TTC28: variants seen among roughly 807,000 people sequenced by gnomAD.
The protein encoded by TTC28 is tetratricopeptide repeat domain 28, also known as tetratricopeptide repeat protein 28.
In TTC28, 61 loss-of-function variants were observed where a neutral mutation model predicts 198.0. The ratio of observed to expected loss-of-function variants is 0.31; its 90% CI spans 0.25 to 0.38. The LOEUF is 0.38. TTC28 is among the 10% of genes least tolerant of loss of function. TTC28 has a pLI of 1.00. For missense variants in TTC28, 2,678 were observed against 3,164.0 expected, an observed-to-expected ratio of 0.85 and a Z score of 3.69; for synonymous variants, 1,171 against 1,297.8, an observed-to-expected ratio of 0.90 and a Z score of 2.10.
chr22:28,444,470 GA>G (rs1420639915), intron 2 of TTC28, among the ~76,000 whole-genome samples: 1 of 152,114 alleles, frequency 6.6e-6, no homozygotes, highest in East Asian at 1.9e-4. Flanking sequence ...CTGAGAATCT[GA>G]AATTCAATAG....
intron 5 of TTC28, among the ~76,000 whole-genome samples, chr22:28,172,847 C>G (rs746877923): frequency 2.6e-5 from 4 of 152,156 alleles, no homozygotes; most frequent in Non-Finnish European, 5.9e-5. Context: ...GAGGCCCTGG[C>G]TATGTAACAC....
chr22:28,534,967 G>A (rs1308016924), intron 2 of TTC28, among the ~76,000 whole-genome samples: 2 of 151,968 alleles, frequency 1.3e-5, no homozygotes, highest in East Asian at 3.9e-4. Flanking sequence ...ATGTAAATGA[G>A]TTAATGGGTG....
intron 5 of TTC28, among the ~76,000 whole-genome samples, chr22:28,223,917 C>G (rs976442650): frequency 6.6e-6 from 1 of 152,182 alleles, no homozygotes; most frequent in East Asian, 1.9e-4. Flanking sequence ...ACGAGACTGA[C>G]TAATATTTGT....
At chr22:28,160,492 AT>A (rs1266855680) in intron 6 of TTC28, among the ~76,000 whole-genome samples, 1 of 152,254 alleles carries the variant, frequency 6.6e-6, no homozygotes, top group Non-Finnish European at 1.5e-5. Context: ...CATTAAAATA[AT>A]GTAGGATATC....
intron 1 of TTC28, among the ~76,000 whole-genome samples, chr22:28,633,867 T>C (rs2051220952): frequency 6.6e-6 from 1 of 152,158 alleles, no homozygotes; most frequent in South Asian, 2.1e-4. Context: ...ACTGTGAATC[T>C]GAGAGGGGGA....
intron 12 of TTC28, among the ~76,000 whole-genome samples, chr22:28,048,684 G>A (rs2146697405): frequency 6.6e-6 from 1 of 152,110 alleles, no homozygotes; most frequent in East Asian, 1.9e-4. Context: ...TGTGAATACT[G>A]CTGTCATCTA....
chr22:27,998,332 T>C (rs1000565791), intron 16 of TTC28: 2 of 821,482 alleles, frequency 2.4e-6, no homozygotes, highest in Admixed American at 5.9e-5. Context: ...AATGGTTCTG[T>C]TGCTCCCTGG....
At chr22:28,418,443 CG>C (rs2146160182) in intron 2 of TTC28, among the ~76,000 whole-genome samples, 1 of 152,252 alleles carries the variant, frequency 6.6e-6, no homozygotes, top group South Asian at 2.1e-4. Context: ...CTACAAAAAA[CG>C]CTTAAACTTA....
intron 2 of TTC28, among the ~76,000 whole-genome samples, chr22:28,323,513 T>C (rs1006802797): frequency 5.9e-5 from 9 of 152,180 alleles, no homozygotes; most frequent in African/African-American, 1.7e-4. Flanking sequence ...AACAGCAGAA[T>C]TGATCAAGTA....
intron 2 of TTC28, among the ~76,000 whole-genome samples, chr22:28,498,624 T>C (rs1162578774): frequency 2.0e-5 from 3 of 152,148 alleles, no homozygotes; most frequent in Non-Finnish European, 2.9e-5. Flanking sequence ...AATGATTAGA[T>C]TGTAAAAGTC....
At chr22:28,216,193 T>C (rs969081915) in intron 5 of TTC28, among the ~76,000 whole-genome samples, 3 of 152,178 alleles carry the variant, frequency 2.0e-5, no homozygotes, top group African/African-American at 4.8e-5. Context: ...GTCTCTGTCT[T>C]TGAAAGGCTT....
chr22:28,532,458 A>T (rs2049161179), intron 2 of TTC28, among the ~76,000 whole-genome samples: 1 of 152,218 alleles, frequency 6.6e-6, no homozygotes, highest in African/African-American at 2.4e-5. Flanking sequence ...ACAGATTCAC[A>T]GCCGAATTCT....
In TTC28 at chr22:28,089,112, C is replaced by T. The variant is rs1941725562; in HGVS notation, c.3932+4968G>A. Among the ~76,000 whole-genome samples the T allele has an allele frequency of 2.6e-5, 4 of 152,132 alleles. No homozygotes were observed. The South Asian group carries it at 8.3e-4, about 32-fold the overall frequency. ...ATTGTGGAAGTCAGTGAGGCGATTC[C>T]TCAGGGATCTAGAACTAGAAATACC... is the stretch of plus-strand genomic sequence containing the variant. On this transcript the variant is annotated intron_variant, in intron 12 of 22. Transcript: ENST00000397906.
chr22:28,395,640 A>C (rs200531429), intron 2 of TTC28, among the ~76,000 whole-genome samples: 28,150 of 150,876 alleles, frequency 0.19, 3,433 homozygotes, highest in Admixed American at 0.38. Context: ...ACAAACAAAA[A>C]AAAAAAAACC....
At chr22:28,245,626 C>T (rs1040043614) in intron 5 of TTC28, among the ~76,000 whole-genome samples, 2 of 152,144 alleles carry the variant, frequency 1.3e-5, no homozygotes, top group Non-Finnish European at 2.9e-5. Context: ...GTACCCTATG[C>T]GTTTCACATG....
intron 2 of TTC28, among the ~76,000 whole-genome samples, chr22:28,592,050 G>C (rs1322423768): frequency 6.6e-6 from 1 of 152,110 alleles, no homozygotes; most frequent in African/African-American, 2.4e-5. Context: ...AGACTACCTA[G>C]GTGGAGCAGA....
At chr22:28,254,709 C>A (rs1226279746) in intron 5 of TTC28, among the ~76,000 whole-genome samples, 3 of 152,068 alleles carry the variant, frequency 2.0e-5, no homozygotes, top group African/African-American at 7.2e-5. Context: ...GTGCTAGAAA[C>A]AAAGAGGGAA....
At chr22:28,047,748 G>A (rs910824580) in intron 12 of TTC28, among the ~76,000 whole-genome samples, 12 of 152,116 alleles carry the variant, frequency 7.9e-5, no homozygotes, top group African/African-American at 2.9e-4. Context: ...CTTCTCCTTG[G>A]CAACAATGGA....
At chr22:28,525,290 C>T (rs2048985532) in intron 2 of TTC28, among the ~76,000 whole-genome samples, 1 of 152,018 alleles carries the variant, frequency 6.6e-6, no homozygotes, top group Non-Finnish European at 1.5e-5. Context: ...GTAGCTAGGA[C>T]CACAGGTGCA....
Sources: gnomAD v4.1 joint callset for allele counts (sites outside exome capture counted in the v4.1 genomes callset) on GRCh38, gnomAD v4.1.1 for gene constraint, MANE v1.5 for transcripts, NCBI Gene and HGNC (gene_info 2026-07-23, HGNC 2026-07-21) for gene names.